PRDM9: variants seen among roughly 807,000 people sequenced by gnomAD.
PRDM9 encodes the protein PR/SET domain 9.
A neutral mutation model predicts 55.6 loss-of-function variants in PRDM9; 47 were observed. That is an observed-to-expected ratio of 0.85 (90% CI 0.67 to 1.08). The LOEUF is 1.08. Ranked by LOEUF, PRDM9 falls within the 50% of genes least tolerant of loss-of-function variation. The pLI is 0.00. For missense variants in PRDM9, 867 were observed against 1,040.3 expected (o/e 0.83, Z 2.29); for synonymous variants, 312 against 375.7 (o/e 0.83, Z 1.96).
At chr5:23,524,961 G>A (rs562032185) in intron 10 of PRDM9, among the ~76,000 whole-genome samples, 86 of 152,292 alleles carry the variant, frequency 5.6e-4, no homozygotes, top group African/African-American at 1.5e-3. Flanking sequence ...TGCAGGAAGT[G>A]TAAATATAGA....
chr5:23,509,179 C>T, intron 2 of PRDM9, 77 bp downstream of exon 2: 1 of 1,568,278 alleles, frequency 6.4e-7, no homozygotes, highest in South Asian at 1.1e-5. Flanking sequence ...TGGCCTGTAC[C>T]CTTGGGGGAC....
chr5:23,510,472 C>T (rs929944131), intron 4 of PRDM9, among the ~76,000 whole-genome samples: 1 of 151,978 alleles, frequency 6.6e-6, no homozygotes, highest in African/African-American at 2.4e-5. Flanking sequence ...ATTCTCCCAC[C>T]TCAGCTTCTC....
chr5:23,521,231 G>T (rs750868168), intron 6 of PRDM9, 52 bp downstream of exon 6: 35 of 1,602,664 alleles, frequency 2.2e-5, no homozygotes, highest in Non-Finnish European at 3.0e-5. Flanking sequence ...CTCTAGAAAG[G>T]TTGATGAGTA....
In PRDM9 at chr5:23,521,007, G is replaced by A. The variant is rs1464103894; in HGVS notation, c.352-16G>A. On this transcript the variant is annotated splice_polypyrimidine_tract_variant and intron_variant, in intron 5 of 10. Coordinates refer to ENST00000296682, the MANE Select transcript of PRDM9 (RefSeq NM_020227.4). ...AAATTCGTGTTGTCTTTTAATATGT[G>A]ACTCTCACATTAAAGGGAATGCCCA... 1 of 1,613,748 alleles carries A rather than the reference G, an allele frequency of 6.2e-7. No homozygotes were observed. The highest frequency in any genetic ancestry group is 8.5e-7 in the Non-Finnish European group (1 of 1,179,692).
At chr5:23,523,254 C>G in intron 8 of PRDM9, 37 bp from the exon 9 acceptor site, 1 of 1,592,444 alleles carries the variant, frequency 6.3e-7, no homozygotes, top group Non-Finnish European at 8.6e-7. Context: ...GATTTTTACC[C>G]TCTAAAAAGC....
chr5:23,525,690 A>T (rs1389909985), intron 10 of PRDM9, among the ~76,000 whole-genome samples: 1 of 152,192 alleles, frequency 6.6e-6, no homozygotes, highest in African/African-American at 2.4e-5. Flanking sequence ...ATTTGCTCAC[A>T]CATCTTCTCT....
chr5:23,522,206 G>T (rs565008371), intron 6 of PRDM9, 98 bp from the exon 7 acceptor site: 7 of 1,058,230 alleles, frequency 6.6e-6, no homozygotes, highest in Non-Finnish European at 1.0e-5. Flanking sequence ...ATGTAGAAAG[G>T]TAGATGCCAA....
chr5:23,524,242 G>T, intron 9 of PRDM9, 92 bp from the exon 10 acceptor site: 3 of 1,497,602 alleles, frequency 2.0e-6, no homozygotes, highest in Non-Finnish European at 2.8e-6. Flanking sequence ...CTAGACCATG[G>T]AGGCCTAGAC....
rs1259805878 is a variant in PRDM9 at position 23,509,066 on chromosome 5, A to G, written c.33A>G (p.Pro11=). 2.5e-6 allele frequency: 4 copies of G among 1,614,044 alleles called. No homozygotes were observed. Among genetic ancestry groups the G allele is most frequent in the African/African-American group, 1.3e-5 (1 of 74,938 alleles). The change falls in exon 2 of 11, where the codon CCA becomes CCG. Residue 11 remains proline, a synonymous_variant. Transcript: ENST00000296682. MSPEKSQEES[P]EEDTERTERK... The stretch of plus-strand genomic sequence containing the variant: ...CTGAAAAGTCCCAAGAGGAGAGCCC[A>G]GAAGAAGACACAGAGAGAACAGAGC...
At chr5:23,520,653 C>G (rs1739310838) in intron 5 of PRDM9, among the ~76,000 whole-genome samples, 1 of 151,932 alleles carries the variant, frequency 6.6e-6, no homozygotes, top group Non-Finnish European at 1.5e-5. Context: ...CTGTGCTTCT[C>G]TACATTTCCC....
Position 23,522,647 on chromosome 5 carries a change from G to A in PRDM9, c.644G>A (p.Ser215Asn). 1 of 1,614,218 alleles carries A rather than the reference G, an allele frequency of 6.2e-7. No individual in the cohort carries two copies. Among genetic ancestry groups the A allele is most frequent in the African/African-American group, 1.3e-5 (1 of 75,060 alleles). ...ATGTGTCAGAACTTCTTCATTGACAGCTGTGCTGCCCATGGGCCCCCTACA... is the reference window on the plus strand; with the variant it reads ...ATGTGTCAGAACTTCTTCATTGACAACTGTGCTGCCCATGGGCCCCCTACA... Reference protein sequence around the residue: ...CEMCQNFFIDSCAAHGPPTFV... With the variant: ...CEMCQNFFIDNCAAHGPPTFV... Residue 215 changes from serine (S) to asparagine (N), a missense_variant, in exon 8 of 11, where the codon AGC becomes AAC. Coordinates refer to ENST00000296682, the MANE Select transcript of PRDM9 (RefSeq NM_020227.4).
rs150325264 is a variant in PRDM9 at position 23,520,660 on chromosome 5, TC to T, written c.352-359del. On this transcript the variant is annotated intron_variant, in intron 5 of 10. Coordinates refer to ENST00000296682, the MANE Select transcript of PRDM9 (RefSeq NM_020227.4). Reference sequence around the variant, plus strand: ...TTGTCCCTCTGTGCTTCTCTACATTTCCCCTTCTATCAAAAGTCTACTAGTT... The same window carrying T: ...TTGTCCCTCTGTGCTTCTCTACATTTCCCTTCTATCAAAAGTCTACTAGTT... Among the ~76,000 whole-genome samples the T allele has an allele frequency of 9.4e-3, 1,438 of 152,214 alleles. 25 individuals are homozygous for T. The highest frequency in any genetic ancestry group is 0.033 in the African/African-American group (1,386 of 41,538).
rs1213846147 is a variant in PRDM9, at chr5:23,524,476, C to T, written c.1093C>T (p.Leu365=). The T allele has an allele frequency of 1.3e-5, 21 of 1,613,772 alleles. No individual in the cohort carries two copies. The highest frequency in any genetic ancestry group is 6.7e-5 in the Admixed American group (4 of 59,980). The change falls in exon 10 of 11, where the codon CTG becomes TTG. Residue 365 remains leucine (L), a synonymous_variant. Transcript: ENST00000296682. Reference sequence around the variant, plus strand: ...GTATGGGGATGAATACGGCCAGGAACTGGGCATCAAGTGGGGCAGCAAGTG... The same window carrying T: ...GTATGGGGATGAATACGGCCAGGAATTGGGCATCAAGTGGGGCAGCAAGTG... ...VWYGDEYGQE[L]GIKWGSKWKK...
At chr5:23,516,500 G>T (rs1398109668) in intron 4 of PRDM9, among the ~76,000 whole-genome samples, 2 of 149,102 alleles carry the variant, frequency 1.3e-5, no homozygotes, top group East Asian at 2.1e-4. Flanking sequence ...AGCCTCTCGA[G>T]TAGCTGGGAC....
chr5:23,510,773 G>A (rs1411199188), intron 4 of PRDM9, among the ~76,000 whole-genome samples: 3 of 151,720 alleles, frequency 2.0e-5, no homozygotes, highest in Non-Finnish European at 4.4e-5. Context: ...CTGGGCTTAA[G>A]CGATCCTCCC....
intron 5 of PRDM9, among the ~76,000 whole-genome samples, 156 bp downstream of exon 5, chr5:23,518,086 A>G (rs932615817): frequency 2.6e-5 from 4 of 152,220 alleles, no homozygotes; most frequent in African/African-American, 9.6e-5. Context: ...TTAAGAGTTA[A>G]TAAGAACAGC....
Position 23,509,567 on chromosome 5 carries a change from G to C in PRDM9, c.167G>C (p.Arg56Thr), listed in dbSNP as rs775997601. The C allele has an allele frequency of 8.1e-6, 13 of 1,614,028 alleles. No homozygotes were observed. In the East Asian group the frequency reaches 2.9e-4, roughly 36 times the overall value. ...WEKTRYRNVK[R>T]NYNALITIGL... ...AAAACTCGCTATAGGAATGTGAAAA[G>C]GAACTATAATGCACTGATTACTATA... The change falls in exon 3 of 11, where the codon AGG becomes ACG. Residue 56 changes from arginine (R) to threonine (T), a missense_variant. Arg to Thr is a moderately conservative substitution (Grantham distance 71). Around this residue, in one of 5 missense-constraint regions of PRDM9, gnomAD observed 662 missense variants for 711.9 expected, o/e 0.93. Transcript: ENST00000296682.
chr5:23,524,574 A>G, intron 10 of PRDM9, 47 bp downstream of exon 10: 1 of 1,610,810 alleles, frequency 6.2e-7, no homozygotes, highest in Non-Finnish European at 8.5e-7. Flanking sequence ...AGAAAGAATT[A>G]TCCTAGAGAA....
In PRDM9 at chr5:23,524,496, C is replaced by G. The variant is rs1038548824; in HGVS notation, c.1113C>G (p.Ser371Arg). The change falls in exon 10 of 11, where the codon AGC (serine) becomes AGG (arginine). Residue 371 changes from serine (S) to arginine (R), a missense_variant. Around this residue, in one of 5 missense-constraint regions of PRDM9, gnomAD observed 662 missense variants for 711.9 expected, o/e 0.93. Transcript: ENST00000296682. ...AGGAACTGGGCATCAAGTGGGGCAGCAAGTGGAAGAAAGAGCTCATGGCAG... is the reference window on the plus strand; with the variant it reads ...AGGAACTGGGCATCAAGTGGGGCAGGAAGTGGAAGAAAGAGCTCATGGCAG... ...YGQELGIKWG[S>R]KWKKELMAGR... The G allele has an allele frequency of 6.8e-6, 11 of 1,613,672 alleles. No individual in the cohort carries two copies. The highest frequency in any genetic ancestry group is 1.6e-4 in the Middle Eastern group (1 of 6,078).
Sources: gnomAD v4.1 joint callset for allele counts (sites outside exome capture counted in the v4.1 genomes callset) on GRCh38, gnomAD v4.1.1 for gene constraint, gnomAD v4.1.1 regional missense constraint, MANE v1.5 for transcripts, NCBI Gene and HGNC (gene_info 2026-07-23, HGNC 2026-07-21) for gene names.